Variants in C7orf78 observed in about 807,000 individuals in gnomAD.
C7orf78 encodes the protein putative uncharacterized protein C7orf78.
the C7orf78 span, among the ~76,000 whole-genome samples, chr7:12,499,025 A>T: frequency 6.6e-6 from 1 of 152,048 alleles, no homozygotes; most frequent in Non-Finnish European, 1.5e-5. Flanking sequence ...TTTACAGACA[A>T]GCAAATGCTG....
the C7orf78 span, among the ~76,000 whole-genome samples, chr7:12,515,647 GC>G: frequency 1.3e-5 from 2 of 152,230 alleles, no homozygotes; most frequent in African/African-American, 4.8e-5. Context: ...TTGTTGAATG[GC>G]TTTGATCAAA....
At chr7:12,498,724 A>G in the C7orf78 span, among the ~76,000 whole-genome samples, 5 of 150,928 alleles carry the variant, frequency 3.3e-5, no homozygotes, top group Non-Finnish European at 7.4e-5. Flanking sequence ...GATTCAGGAA[A>G]TACAGAGAAC....
At chr7:12,486,907 A>T in the C7orf78 span, 1 of 151,416 alleles carries the variant, frequency 6.6e-6, no homozygotes, top group Non-Finnish European at 1.5e-5. Context: ...ATCAAAATGT[A>T]ATTATCAAGT....
the C7orf78 span, among the ~76,000 whole-genome samples, chr7:12,530,803 G>A: frequency 2.6e-5 from 4 of 152,186 alleles, no homozygotes; most frequent in Non-Finnish European, 5.9e-5. Context: ...AAAATGTTGA[G>A]AACACATACT....
chr7:12,525,896 T>A, the C7orf78 span: 83 of 396,782 alleles, frequency 2.1e-4, no homozygotes, highest in Admixed American at 5.3e-4. Context: ...TCACAACACT[T>A]AAGTACAGGT....
the C7orf78 span, chr7:12,496,575 T>G: frequency 1.3e-5 from 2 of 152,220 alleles, no homozygotes; most frequent in Non-Finnish European, 2.9e-5. Flanking sequence ...TAATTTCTCA[T>G]GAGAGTAACC....
chr7:12,495,190 A>G, the C7orf78 span, among the ~76,000 whole-genome samples: 1 of 151,924 alleles, frequency 6.6e-6, no homozygotes, highest in Non-Finnish European at 1.5e-5. Flanking sequence ...ACACAAACAC[A>G]CTCATTTTTT....
the C7orf78 span, among the ~76,000 whole-genome samples, chr7:12,537,843 GGATGAGTCTCA>G: frequency 6.6e-6 from 1 of 152,002 alleles, no homozygotes; most frequent in Non-Finnish European, 1.5e-5. Flanking sequence ...CAAGCAATAG[GGATGAGTCTCA>G]CAAACATACT....
chr7:12,497,679 G>A, the C7orf78 span, among the ~76,000 whole-genome samples: 1 of 152,132 alleles, frequency 6.6e-6, no homozygotes, highest in South Asian at 2.1e-4. Flanking sequence ...CATTGCCCAG[G>A]CTTGATTAGG....
At chr7:12,502,749 C>G in the C7orf78 span, among the ~76,000 whole-genome samples, 1 of 149,298 alleles carries the variant, frequency 6.7e-6, no homozygotes, top group Non-Finnish European at 1.5e-5. Flanking sequence ...ACCCAAAGGA[C>G]TATAAATCAT....
At chr7:12,526,566 T>C in the C7orf78 span, among the ~76,000 whole-genome samples, 3 of 152,288 alleles carry the variant, frequency 2.0e-5, no homozygotes, top group East Asian at 1.9e-4. Flanking sequence ...TTTTATTTCC[T>C]CTTTTTCAAA....
chr7:12,506,964 G>T, the C7orf78 span: 2 of 475,418 alleles, frequency 4.2e-6, no homozygotes, highest in South Asian at 3.0e-5. Context: ...GCTGAACAAA[G>T]ACAACATGAG....
the C7orf78 span, among the ~76,000 whole-genome samples, chr7:12,538,620 C>G: frequency 6.6e-6 from 1 of 152,102 alleles, no homozygotes; most frequent in East Asian, 1.9e-4. Context: ...GCCCTAAGTC[C>G]CTGCCTCAGC....
At chr7:12,535,783 G>T in the C7orf78 span, among the ~76,000 whole-genome samples, 1 of 152,182 alleles carries the variant, frequency 6.6e-6, no homozygotes, top group Non-Finnish European at 1.5e-5. Flanking sequence ...GGAGAAATTG[G>T]TCAAAACAAA....
the C7orf78 span, among the ~76,000 whole-genome samples, chr7:12,508,055 G>A: frequency 6.6e-6 from 1 of 152,168 alleles, no homozygotes; most frequent in Non-Finnish European, 1.5e-5. Context: ...TTGAAATAAT[G>A]TGTGGTCTGT....
At chr7:12,486,950 TCC>T in the C7orf78 span, 37 of 44,780 alleles carry the variant, frequency 8.3e-4, no homozygotes, top group African/African-American at 1.3e-3. Flanking sequence ...TTTATACACC[TCC>T]TTTTTTTTCA....
the C7orf78 span, chr7:12,491,080 TCTTA>T: frequency 1.3e-5 from 2 of 152,160 alleles, no homozygotes; most frequent in Non-Finnish European, 1.5e-5. Flanking sequence ...CTAAGACTTG[TCTTA>T]CTTAGAAAAC....
At chr7:12,501,547 G>A in the C7orf78 span, among the ~76,000 whole-genome samples, 3 of 145,810 alleles carry the variant, frequency 2.1e-5, no homozygotes, top group Non-Finnish European at 4.6e-5. Context: ...CCTCTTCAAG[G>A]AGAACTACAA....
At chr7:12,507,542 C>A in the C7orf78 span, 1 of 175,820 alleles carries the variant, frequency 5.7e-6, no homozygotes, top group South Asian at 1.4e-4. Context: ...TTTCATTTGA[C>A]ATATTTAGAC....
Sources: gnomAD v4.1 joint callset for allele counts (sites outside exome capture counted in the v4.1 genomes callset) on GRCh38, gnomAD v4.1.1 for gene constraint, MANE v1.5 for transcripts, NCBI Gene and HGNC (gene_info 2026-07-23, HGNC 2026-07-21) for gene names.